Variants in BICRAL observed in about 807,000 individuals in gnomAD.
The protein encoded by BICRAL is BICRA like chromatin remodeling complex associated protein.
In BICRAL, 8 loss-of-function variants were observed where a neutral mutation model predicts 91.8. The observed-to-expected ratio is 0.09, with a 90% confidence interval of 0.05 to 0.16. BICRAL has a LOEUF of 0.16. Among genes scored for constraint, BICRAL ranks in the 10% least tolerant of loss-of-function variants. BICRAL has a pLI of 1.00. For synonymous variants in BICRAL, 445 were observed against 491.1 expected, an observed-to-expected ratio of 0.91 and a Z score of 1.24; for missense variants, 1,038 against 1,310.9, an observed-to-expected ratio of 0.79 and a Z score of 3.21.
At chr6:42,753,510 T>G (rs1173690995) in intron 1 of BICRAL, among the ~76,000 whole-genome samples, 4 of 152,066 alleles carry the variant, frequency 2.6e-5, no homozygotes, top group Admixed American at 1.3e-4. Context: ...ATAAAGCACG[T>G]AAGGGTCCTG....
intron 2 of BICRAL, among the ~76,000 whole-genome samples, chr6:42,816,882 T>C (rs983125199): frequency 2.0e-5 from 3 of 151,312 alleles, no homozygotes; most frequent in East Asian, 2.0e-4. Context: ...GGCGTGGTGG[T>C]GGGCGCCTGT....
chr6:42,749,917 C>G (rs1049438122), intron 1 of BICRAL, among the ~76,000 whole-genome samples: 21 of 151,142 alleles, frequency 1.4e-4, no homozygotes, highest in Admixed American at 9.2e-4. Flanking sequence ...TGCAGTGGCA[C>G]GATCTCAGCT....
At chr6:42,862,749 G>C (rs1765592785) in intron 12 of BICRAL, 137 bp downstream of exon 12, 1 of 616,774 alleles carries the variant, frequency 1.6e-6, no homozygotes, top group Non-Finnish European at 3.0e-6. Flanking sequence ...TGGGCACGGT[G>C]GCTCACACCT....
At chr6:42,805,771 A>G (rs1009734961) in intron 1 of BICRAL, among the ~76,000 whole-genome samples, 2 of 151,964 alleles carry the variant, frequency 1.3e-5, no homozygotes, top group Non-Finnish European at 2.9e-5. Context: ...GAAGGCCGAG[A>G]CGGGTGGATC....
At chr6:42,814,635 C>T (rs1763933531) in intron 2 of BICRAL, among the ~76,000 whole-genome samples, 1 of 149,872 alleles carries the variant, frequency 6.7e-6, no homozygotes, top group South Asian at 2.1e-4. Context: ...GATTCTCCTT[C>T]CTGCCTTAGC....
At chr6:42,846,370 AAAAAT>A (rs745981085) in intron 6 of BICRAL, among the ~76,000 whole-genome samples, 55 of 151,782 alleles carry the variant, frequency 3.6e-4, no homozygotes, top group Non-Finnish European at 5.1e-4. Context: ...TCCGGCTCAA[AAAAAT>A]AAAATAAACA....
rs780486270 is a variant in BICRAL at position 42,822,061 on chromosome 6, T to C, written c.39T>C (p.Ile13=). 2.5e-6 allele frequency: 4 copies of C among 1,598,036 alleles called. No homozygotes were observed. The Admixed American group carries it at 5.0e-5, about 20-fold the overall frequency. The change falls in exon 3 of 13, where the codon ATT becomes ATC. Residue 13 remains isoleucine, a splice_region_variant and synonymous_variant. Transcript: ENST00000314073. The part of the protein sequence containing the change: ...DDDDSCLLDL[I]GDPQALNYFL... ...ATGACTCGTGTCTCCTTGATCTTAT[T>C]GGGTAAGATGCTTATTCCAAAACCT...
At position 42,829,263 on chromosome 6, in the gene BICRAL, A is replaced by G; in HGVS notation, c.930A>G (p.Pro310=). The change falls in exon 6 of 13, where the codon CCA becomes CCG. Residue 310 remains proline, a synonymous_variant. Transcript: ENST00000314073. The part of the protein sequence containing the change: ...RGLAPNSNKV[P]INIQPKPIQM... ...TTGCACCAAATTCAAATAAAGTCCC[A>G]ATTAATATACAGCCAAAGCCTATCC... is the stretch of plus-strand genomic sequence containing the variant. The G allele has an allele frequency of 1.9e-6, 3 of 1,614,190 alleles. No individual in the cohort carries two copies. The South Asian group carries it at 3.3e-5, about 18-fold the overall frequency.
chr6:42,847,479 T>C (rs1765047314), intron 6 of BICRAL, among the ~76,000 whole-genome samples: 1 of 152,124 alleles, frequency 6.6e-6, no homozygotes, highest in East Asian at 1.9e-4. Flanking sequence ...TGTGATACAT[T>C]AAAAGTATTG....
intron 8 of BICRAL, among the ~76,000 whole-genome samples, chr6:42,855,201 G>A (rs1765312177): frequency 6.6e-6 from 1 of 152,152 alleles, no homozygotes; most frequent in Non-Finnish European, 1.5e-5. Flanking sequence ...TGAGAAGATG[G>A]ATTAGATAGT....
chr6:42,806,021 A>G (rs1382905934), intron 1 of BICRAL, among the ~76,000 whole-genome samples: 3 of 147,008 alleles, frequency 2.0e-5, no homozygotes, highest in South Asian at 2.2e-4. Context: ...AAACGAAGGA[A>G]GAAGTAGAGC....
rs1224694627 is a variant in BICRAL, at chr6:42,822,837, A to G, written c.83A>G (p.Asn28Ser). The G allele has an allele frequency of 6.4e-7, 1 of 1,571,422 alleles. No individual in the cohort carries two copies. Among genetic ancestry groups the G allele is most frequent in the African/African-American group, 1.4e-5 (1 of 74,070 alleles). ...ALNYFLHGPS[N>S]KSSNDDLTNA... ...AACTATTTTCTACATGGACCTAGTA[A>G]TAAATCTGTAAGTAATGCATAGAAT... is the stretch of plus-strand genomic sequence containing the variant. The change falls in exon 4 of 13, where the codon AAT becomes AGT. Residue 28 changes from asparagine to serine, a missense_variant. By Grantham distance (46) the Asn-to-Ser change is conservative. Coordinates refer to ENST00000314073, the MANE Select transcript of BICRAL (RefSeq NM_001393499.1).
chr6:42,749,958 G>A (rs183288894), intron 1 of BICRAL, among the ~76,000 whole-genome samples: 195 of 151,594 alleles, frequency 1.3e-3, no homozygotes, highest in African/African-American at 4.6e-3. Context: ...AGGTTCAAGT[G>A]ATTCTCCTGC....
chr6:42,859,705 G>A (rs1361019610), intron 10 of BICRAL, among the ~76,000 whole-genome samples: 2 of 152,034 alleles, frequency 1.3e-5, no homozygotes, highest in African/African-American at 4.8e-5. Context: ...GCAGTGGCAC[G>A]ATCTTGGCTC....
At chr6:42,797,364 A>T (rs958351732) in intron 1 of BICRAL, among the ~76,000 whole-genome samples, 2 of 152,174 alleles carry the variant, frequency 1.3e-5, no homozygotes, top group African/African-American at 4.8e-5. Context: ...ATGTAAGGCC[A>T]AAGTATTTGA....
At chr6:42,770,772 C>A (rs577879142) in intron 1 of BICRAL, among the ~76,000 whole-genome samples, 2 of 151,822 alleles carry the variant, frequency 1.3e-5, no homozygotes, top group East Asian at 3.9e-4. Flanking sequence ...CTCACTGTAG[C>A]CTCCACCTCC....
intron 1 of BICRAL, among the ~76,000 whole-genome samples, chr6:42,747,733 C>G (rs1762302258): frequency 6.6e-6 from 1 of 151,812 alleles, no homozygotes; most frequent in South Asian, 2.1e-4. Flanking sequence ...TGTGCATAGT[C>G]ATCGTTTTCA....
chr6:42,853,178 T>C (rs1215222524), intron 7 of BICRAL, among the ~76,000 whole-genome samples: 3 of 152,026 alleles, frequency 2.0e-5, no homozygotes, highest in African/African-American at 7.2e-5. Context: ...GAAAATATTA[T>C]GGACTATGTC....
At position 42,829,174 on chromosome 6, in the gene BICRAL, C is replaced by T; in HGVS notation, c.841C>T (p.Pro281Ser). The T allele has an allele frequency of 6.2e-7, 1 of 1,614,048 alleles. No individual in the cohort carries two copies. The highest frequency in any genetic ancestry group is 8.5e-7 in the Non-Finnish European group (1 of 1,179,946). Residue 281 changes from proline to serine, a missense_variant, in exon 6 of 13, where the codon CCA becomes TCA. Pro to Ser is a moderately conservative substitution (Grantham distance 74). Transcript: ENST00000314073. ...TCCAGTAGCACAGCCTGTTACCGTTCCATTTAACAGCACAAATTTTCAAAC... is the reference window on the plus strand; with the variant it reads ...TCCAGTAGCACAGCCTGTTACCGTTTCATTTAACAGCACAAATTTTCAAAC... ...SSPVAQPVTV[P>S]FNSTNFQTSL...
Sources: allele counts gnomAD v4.1 joint callset (sites outside exome capture counted in the v4.1 genomes callset), GRCh38; gene constraint gnomAD v4.1.1; transcripts MANE v1.5; gene names NCBI Gene and HGNC (gene_info 2026-07-23, HGNC 2026-07-21).